The following PCDHA9 variants were observed in gnomAD, a reference collection of about 807,000 sequenced individuals.
The protein encoded by PCDHA9 is protocadherin alpha 9.
A neutral mutation model predicts 62.0 loss-of-function variants in PCDHA9; 62 were observed. That is an observed-to-expected ratio of 1.00 (90% CI 0.81 to 1.23). The LOEUF is 1.23. PCDHA9 is among the 50% of genes most tolerant of loss of function. The pLI is 0.00. For missense variants in PCDHA9, 1,205 were observed against 1,249.8 expected, an observed-to-expected ratio of 0.96 and a Z score of 0.54; for synonymous variants, 557 against 567.6, an observed-to-expected ratio of 0.98 and a Z score of 0.27.
chr5:140,892,516 C>T (rs1308217040), intron 1 of PCDHA9, among the ~76,000 whole-genome samples: 1 of 152,222 alleles, frequency 6.6e-6, no homozygotes, highest in East Asian at 1.9e-4. Context: ...TCCACCATGA[C>T]TGGTAGACTC....
intron 1 of PCDHA9, among the ~76,000 whole-genome samples, chr5:140,896,034 C>T (rs2065325543): frequency 6.6e-6 from 1 of 152,192 alleles, no homozygotes; most frequent in South Asian, 2.1e-4. Flanking sequence ...TGGTCTCGAA[C>T]TCCTGACCTC....
chr5:140,926,799 T>A, intron 1 of PCDHA9: 2 of 1,456,322 alleles, frequency 1.4e-6, no homozygotes, highest in Non-Finnish European at 1.8e-6. Flanking sequence ...GAGCGTGCTC[T>A]TCCCCGCGGC....
chr5:140,852,789 C>T, intron 1 of PCDHA9: 1 of 977,530 alleles, frequency 1.0e-6, no homozygotes, highest in Non-Finnish European at 1.2e-6. Context: ...TAGAGGGATG[C>T]TACAGATGTC....
intron 1 of PCDHA9, chr5:140,870,210 C>T (rs1430379869): frequency 6.2e-7 from 1 of 1,614,058 alleles, no homozygotes; most frequent in African/African-American, 1.3e-5. Context: ...CGGTCATTGC[C>T]CTGATCAGCG....
chr5:140,960,919 A>G (rs542740686), intron 1 of PCDHA9, among the ~76,000 whole-genome samples: 1 of 152,334 alleles, frequency 6.6e-6, no homozygotes, highest in Non-Finnish European at 1.5e-5. Flanking sequence ...CAGATAGAAA[A>G]TTGGTACTAA....
At chr5:140,994,125 C>T (rs1007264886) in intron 3 of PCDHA9, among the ~76,000 whole-genome samples, 6 of 152,044 alleles carry the variant, frequency 3.9e-5, no homozygotes, top group African/African-American at 9.7e-5. Flanking sequence ...GTGATAAGGG[C>T]GACAATAATG....
At chr5:140,936,124 C>T (rs2090779585) in intron 1 of PCDHA9, among the ~76,000 whole-genome samples, 1 of 152,130 alleles carries the variant, frequency 6.6e-6, no homozygotes, top group African/African-American at 2.4e-5. Context: ...AACTCCTGAC[C>T]TTAAGTGATC....
At chr5:140,984,859 A>G (rs1368341114) in intron 3 of PCDHA9, among the ~76,000 whole-genome samples, 1 of 152,046 alleles carries the variant, frequency 6.6e-6, no homozygotes, top group Non-Finnish European at 1.5e-5. Flanking sequence ...TAATAATAAC[A>G]CCTATTTTAT....
intron 1 of PCDHA9, chr5:140,859,072 G>T (rs1168323371): frequency 6.6e-6 from 1 of 150,540 alleles, no homozygotes; most frequent in African/African-American, 2.4e-5. Flanking sequence ...AGTTGTAGTG[G>T]TACCTGTGTC....
chr5:140,886,539 T>C (rs1463145945), intron 1 of PCDHA9, among the ~76,000 whole-genome samples: 6 of 152,154 alleles, frequency 3.9e-5, no homozygotes, highest in African/African-American at 1.4e-4. Context: ...GTTAGAAAGG[T>C]CTTCCCAGCT....
chr5:140,927,068 C>T, intron 1 of PCDHA9: 1 of 1,611,218 alleles, frequency 6.2e-7, no homozygotes, highest in Non-Finnish European at 8.5e-7. Context: ...CGCTTCCTTT[C>T]CAGCCACCGC....
At chr5:140,864,091 A>C (rs564098013) in intron 1 of PCDHA9, 4 of 152,590 alleles carry the variant, frequency 2.6e-5, no homozygotes, top group Admixed American at 2.0e-4. Context: ...TTCAGTTGAT[A>C]AGTATAATGA....
At chr5:140,854,998 A>G (rs2043301191) in intron 1 of PCDHA9, among the ~76,000 whole-genome samples, 1 of 149,868 alleles carries the variant, frequency 6.7e-6, no homozygotes, top group East Asian at 1.9e-4. Flanking sequence ...TTGCCCGTGT[A>G]AGATATTATA....
intron 3 of PCDHA9, 57 bp downstream of exon 3, chr5:140,982,620 C>T: frequency 2.5e-6 from 4 of 1,588,470 alleles, no homozygotes. Flanking sequence ...ATCAGATGAC[C>T]TACTTTTGTA....
At chr5:140,927,004 A>C (rs1194923615) in intron 1 of PCDHA9, 1 of 1,612,238 alleles carries the variant, frequency 6.2e-7, no homozygotes, top group Non-Finnish European at 8.5e-7. Flanking sequence ...AGCCGTAGGC[A>C]ATCTCTCCGC....
chr5:140,982,666 T>G (rs2096995489), intron 3 of PCDHA9, 103 bp downstream of exon 3: 4 of 1,467,448 alleles, frequency 2.7e-6, no homozygotes. Context: ...TTCTTTTATA[T>G]TTTTGTTATT....
At chr5:140,903,061 C>T (rs2069972197) in intron 1 of PCDHA9, among the ~76,000 whole-genome samples, 1 of 152,052 alleles carries the variant, frequency 6.6e-6, no homozygotes, top group African/African-American at 2.4e-5. Context: ...GACTTCTTTT[C>T]CTTTGGGTAG....
intron 1 of PCDHA9, among the ~76,000 whole-genome samples, chr5:140,955,604 C>T (rs1431862665): frequency 7.2e-5 from 11 of 152,060 alleles, no homozygotes; most frequent in Non-Finnish European, 1.5e-4. Context: ...TATAAATTAC[C>T]CAGTCTCAGG....
In PCDHA9 at chr5:140,937,639, A is replaced by G. The variant is rs140444916; in HGVS notation, c.2395-41310A>G. On this transcript the variant is annotated intron_variant, in intron 1 of 3. Transcript: ENST00000532602. ...CTAAAAAGAAAAAGAAAGGCAGGGC[A>G]TGGTGGCTCACGCCTGTAATCCCAG... is the stretch of plus-strand genomic sequence containing the variant. 9.3e-5 allele frequency among the ~76,000 whole-genome samples: 14 copies of G among 151,094 alleles called. No individual in the cohort carries two copies. In the East Asian group the frequency reaches 1.8e-3, roughly 20 times the overall value.
Sources: gnomAD v4.1 joint callset for allele counts (sites outside exome capture counted in the v4.1 genomes callset) on GRCh38, gnomAD v4.1.1 for gene constraint, MANE v1.5 for transcripts, NCBI Gene and HGNC (gene_info 2026-07-23, HGNC 2026-07-21) for gene names.